Variants in COL22A1 observed in about 807,000 individuals in gnomAD.
The protein encoded by COL22A1 is collagen type XXII alpha 1 chain.
COL22A1 carries 221 observed loss-of-function variants against 248.9 expected under a neutral mutation model. That is an observed-to-expected ratio of 0.89 (90% CI 0.80 to 0.99). COL22A1 has a LOEUF of 0.99. Among genes scored for constraint, COL22A1 ranks in the 50% least tolerant of loss-of-function variants. The probability of loss-of-function intolerance (pLI) is 0.00; values close to 1 mark genes in which losing one functional copy is unlikely to be tolerated. For missense variants in COL22A1, 2,240 were observed against 2,179.0 expected (o/e 1.03, Z -0.56); for synonymous variants, 891 against 793.4 (o/e 1.12, Z -2.07).
At chr8:138,669,858 C>T (rs1171339400) in intron 41 of COL22A1, among the ~76,000 whole-genome samples, 1 of 151,014 alleles carries the variant, frequency 6.6e-6, no homozygotes, top group East Asian at 1.9e-4. Flanking sequence ...TATTTTCTAT[C>T]TCCATCAACA....
At chr8:138,757,306 A>ACG (rs1833092769) in intron 18 of COL22A1, among the ~76,000 whole-genome samples, 1 of 151,594 alleles carries the variant, frequency 6.6e-6, no homozygotes, top group Non-Finnish European at 1.5e-5. Flanking sequence ...GAGCTATACT[A>ACG]TGTGTGTGTG....
At chr8:138,603,824 AG>A (rs1818224465) in intron 59 of COL22A1, among the ~76,000 whole-genome samples, 1 of 152,202 alleles carries the variant, frequency 6.6e-6, no homozygotes, top group African/African-American at 2.4e-5. Flanking sequence ...CGTGACCCAA[AG>A]GCACAGGGTA....
At chr8:138,672,219 TGAAAA>T (rs1394266955) in intron 41 of COL22A1, among the ~76,000 whole-genome samples, 3 of 152,002 alleles carry the variant, frequency 2.0e-5, no homozygotes, top group Admixed American at 6.6e-5. Flanking sequence ...ACTTGTAAAA[TGAAAA>T]GAAAAGTGGA....
At position 138,720,809 on chromosome 8, in the gene COL22A1, GC is replaced by G; in HGVS notation, c.2302-18del. 1 of 1,607,310 alleles carries G rather than the reference GC, an allele frequency of 6.2e-7. No homozygotes were observed. Among genetic ancestry groups the G allele is most frequent in the Non-Finnish European group, 8.5e-7 (1 of 1,174,340 alleles). The stretch of plus-strand genomic sequence containing the variant: ...TGGTTCTCCCTGGAAGGAATACAGA[GC>G]AAAGTTAACAGGAGACGGGCCATGC... On this transcript the variant is annotated intron_variant, in intron 26 of 64. Transcript: ENST00000303045.
intron 48 of COL22A1, 40 bp from the exon 49 acceptor site, chr8:138,635,103 A>G (rs1300784672): frequency 6.7e-7 from 1 of 1,499,728 alleles, no homozygotes; most frequent in South Asian, 1.2e-5. Flanking sequence ...AATGACTTGA[A>G]AAATACTTTT....
intron 23 of COL22A1, among the ~76,000 whole-genome samples, chr8:138,735,856 C>A (rs1831065708): frequency 6.6e-6 from 1 of 152,166 alleles, no homozygotes; most frequent in South Asian, 2.1e-4. Flanking sequence ...GTGCAGTGAG[C>A]AGTGTTTTCG....
chr8:138,912,038 G>A (rs746012220), intron 1 of COL22A1, among the ~76,000 whole-genome samples: 3 of 152,168 alleles, frequency 2.0e-5, no homozygotes, highest in Non-Finnish European at 4.4e-5. Flanking sequence ...CCAGGTGTGT[G>A]AAACAGAAGC....
At chr8:138,715,808 G>T in intron 29 of COL22A1, 73 bp from the exon 30 acceptor site, 2 of 1,093,900 alleles carry the variant, frequency 1.8e-6, no homozygotes, top group South Asian at 1.3e-5. Flanking sequence ...CAAGGTAAGA[G>T]CAACATGACT....
chr8:138,727,249 A>C (rs1021087884), intron 23 of COL22A1, among the ~76,000 whole-genome samples: 2 of 151,842 alleles, frequency 1.3e-5, no homozygotes, highest in East Asian at 3.9e-4. Context: ...TTCTCTCTGG[A>C]TACCCCCTCC....
chr8:138,591,727 G>A (rs999153986), intron 63 of COL22A1, among the ~76,000 whole-genome samples: 9 of 152,034 alleles, frequency 5.9e-5, no homozygotes, highest in African/African-American at 2.2e-4. Context: ...TATGCACATG[G>A]AATCACCAAA....
chr8:138,819,700 TTATA>T (rs1391423353), intron 7 of COL22A1, among the ~76,000 whole-genome samples: 1 of 148,156 alleles, frequency 6.7e-6, no homozygotes, highest in African/African-American at 2.5e-5. Context: ...ATGTATATGT[TTATA>T]TAATGTTTAT....
intron 16 of COL22A1, among the ~76,000 whole-genome samples, chr8:138,767,460 A>C (rs1384501371): frequency 6.6e-6 from 1 of 152,006 alleles, no homozygotes; most frequent in East Asian, 1.9e-4. Context: ...CTGGGGCTCC[A>C]GTTCCCCACC....
intron 37 of COL22A1, among the ~76,000 whole-genome samples, chr8:138,685,912 G>A (rs868795803): frequency 6.6e-6 from 1 of 152,068 alleles, no homozygotes; most frequent in African/African-American, 2.4e-5. Flanking sequence ...CGTTAGTGAC[G>A]ACCTCCCACC....
intron 4 of COL22A1, among the ~76,000 whole-genome samples, chr8:138,838,755 T>C (rs2131845095): frequency 6.6e-6 from 1 of 151,616 alleles, no homozygotes; most frequent in Admixed American, 6.6e-5. Flanking sequence ...CAGGCTGTGA[T>C]GCAAGGCACT....
rs1822238298 is a variant in COL22A1 at position 138,646,749 on chromosome 8, C to T, written c.3448-67G>A. On this transcript the variant is annotated intron_variant, in intron 46 of 64. Coordinates refer to ENST00000303045, the MANE Select transcript of COL22A1 (RefSeq NM_152888.3). ...GTATCAGGCCCACATCCAGGGTCATCACCATGCCATCAGCCTCGTACCTCC... is the reference window on the plus strand; with the variant it reads ...GTATCAGGCCCACATCCAGGGTCATTACCATGCCATCAGCCTCGTACCTCC... 11 of 1,190,828 alleles carry T rather than the reference C, an allele frequency of 9.2e-6. No individual in the cohort carries two copies. In the East Asian group the frequency reaches 2.9e-4, roughly 31 times the overall value. 73.8% of individuals were successfully genotyped at this position (1,190,828 alleles called of 1,614,324 possible). A position where few individuals can be genotyped will look rare whatever the true frequency, so the allele number is the denominator to read the frequency against.
chr8:138,601,747 T>C (rs1006982756), intron 60 of COL22A1, among the ~76,000 whole-genome samples: 5 of 152,162 alleles, frequency 3.3e-5, no homozygotes, highest in Admixed American at 2.0e-4. Flanking sequence ...TCCTGGCAAA[T>C]TGGCACTTCG....
At chr8:138,803,392 C>T (rs976015723) in intron 10 of COL22A1, among the ~76,000 whole-genome samples, 1 of 152,112 alleles carries the variant, frequency 6.6e-6, no homozygotes, top group Non-Finnish European at 1.5e-5. Flanking sequence ...TTCCAAGTGT[C>T]CCATCCAAGT....
chr8:138,859,697 C>T (rs2131949298), intron 3 of COL22A1, among the ~76,000 whole-genome samples: 1 of 152,304 alleles, frequency 6.6e-6, no homozygotes. Flanking sequence ...TCCAGGGCAC[C>T]CACTGAGGTG....
At chr8:138,691,202 G>A (rs1003601646) in intron 35 of COL22A1, among the ~76,000 whole-genome samples, 5 of 152,210 alleles carry the variant, frequency 3.3e-5, no homozygotes, top group Non-Finnish European at 7.3e-5. Context: ...GAGGATTTCA[G>A]GTGAGGTTTG....
Sources: allele counts gnomAD v4.1 joint callset (sites outside exome capture counted in the v4.1 genomes callset), GRCh38; gene constraint gnomAD v4.1.1; transcripts MANE v1.5; gene names NCBI Gene and HGNC (gene_info 2026-07-23, HGNC 2026-07-21).